TTLL5: variants seen among roughly 807,000 people sequenced by gnomAD.
TTLL5 encodes tubulin tyrosine ligase like 5.
A neutral mutation model predicts 168.4 loss-of-function variants in TTLL5; 132 were observed. The ratio of observed to expected loss-of-function variants is 0.78; its 90% CI spans 0.68 to 0.91. The LOEUF (loss-of-function observed/expected upper bound fraction) is 0.91, where lower values mean the gene tolerates loss of function less well. TTLL5 is among the 40% of genes least tolerant of loss of function. The pLI, the probability that TTLL5 is intolerant of heterozygous loss-of-function variation, is 0.00. For missense variants in TTLL5, 1,545 were observed against 1,581.5 expected (o/e 0.98, Z 0.39); for synonymous variants, 546 against 558.6 (o/e 0.98, Z 0.32).
chr14:75,877,856 T>C (rs1174460246), intron 29 of TTLL5, among the ~76,000 whole-genome samples: 1 of 152,234 alleles, frequency 6.6e-6, no homozygotes, highest in East Asian at 1.9e-4. Flanking sequence ...GGCTGATTTC[T>C]GCTGCTAGTT....
chr14:75,720,098 A>G (rs1309047922), intron 11 of TTLL5, among the ~76,000 whole-genome samples: 1 of 152,200 alleles, frequency 6.6e-6, no homozygotes, highest in Non-Finnish European at 1.5e-5. Flanking sequence ...GCTGACTAAA[A>G]TATGGTCAGC....
chr14:75,691,687 A>G (rs1419751337), intron 6 of TTLL5, among the ~76,000 whole-genome samples: 1 of 152,250 alleles, frequency 6.6e-6, no homozygotes, highest in African/African-American at 2.4e-5. Flanking sequence ...CCCATGAGGA[A>G]CATCAGGTGA....
intron 30 of TTLL5, among the ~76,000 whole-genome samples, chr14:75,889,206 A>G (rs1051429827): frequency 6.6e-6 from 1 of 152,202 alleles, no homozygotes; most frequent in Non-Finnish European, 1.5e-5. Context: ...ACTGCAGAAA[A>G]TTGAATTCGC....
At chr14:75,921,055 C>G (rs1343725476) in intron 31 of TTLL5, among the ~76,000 whole-genome samples, 1 of 152,110 alleles carries the variant, frequency 6.6e-6, no homozygotes, top group Admixed American at 6.5e-5. Flanking sequence ...ATCCTTTGCC[C>G]ACTTTTTGAT....
intron 29 of TTLL5, among the ~76,000 whole-genome samples, chr14:75,880,360 GT>G (rs2031742308): frequency 1.3e-5 from 2 of 152,128 alleles, no homozygotes; most frequent in African/African-American, 4.8e-5. Flanking sequence ...TTGAATAGAT[GT>G]TCTTACCAAT....
rs375393056 is a variant in TTLL5 at position 75,870,958 on chromosome 14, C to G, written c.3522+7096C>G. Among the ~76,000 whole-genome samples, 21 of 152,154 alleles carry G rather than the reference C, an allele frequency of 1.4e-4. 1 individual carries two copies. The South Asian group carries it at 4.4e-3, about 32-fold the overall frequency. ...TACAGGCGCCCGCCACCACGCCCAG[C>G]TAATTTTTTGTATTTTTAGTAGAGA... On this transcript the variant is annotated intron_variant, in intron 29 of 31. Coordinates refer to ENST00000298832, the MANE Select transcript of TTLL5 (RefSeq NM_015072.5).
chr14:75,795,591 C>A (rs775122964), intron 27 of TTLL5, among the ~76,000 whole-genome samples: 1 of 152,094 alleles, frequency 6.6e-6, no homozygotes, highest in Non-Finnish European at 1.5e-5. Context: ...ACCCTTCCCC[C>A]CAAGTCCCCA....
rs972068565 is a variant in TTLL5, at chr14:75,930,519, A to T, written c.3824-23905A>T. 22 of 832,530 alleles carry T rather than the reference A, an allele frequency of 2.6e-5. No homozygotes were observed. In the African/African-American group the frequency reaches 4.1e-4, roughly 15 times the overall value. 51.6% of individuals were successfully genotyped at this position (832,530 alleles called of 1,614,324 possible). A position where few individuals can be genotyped will look rare whatever the true frequency, so the allele number is the denominator to read the frequency against. ...TCTGAAAAAAATCAAAATCTAAAAC[A>T]CTTCTAGTCACAAGCATTTTGAATA... is the stretch of plus-strand genomic sequence containing the variant. On this transcript the variant is annotated intron_variant, in intron 31 of 31. Coordinates refer to ENST00000298832, the MANE Select transcript of TTLL5 (RefSeq NM_015072.5).
intron 28 of TTLL5, among the ~76,000 whole-genome samples, chr14:75,848,452 A>C (rs1269712453): frequency 6.6e-6 from 1 of 152,082 alleles, no homozygotes; most frequent in South Asian, 2.1e-4. Context: ...AATAAGGGCC[A>C]GCTGTGCTTA....
Position 75,775,553 on chromosome 14 carries a change from A to G in TTLL5, c.2206A>G (p.Ser736Gly), listed in dbSNP as rs1179242302. 6.2e-7 allele frequency: 1 copy of G among 1,613,954 alleles called. No homozygotes were observed. Among genetic ancestry groups the G allele is most frequent in the Non-Finnish European group, 8.5e-7 (1 of 1,179,994 alleles). ...LQHSLRMVLP[S>G]RRLALLERRR... ...GCATTCACTGAGGATGGTATTACCC[A>G]GTCGACGATTGGCACTTCTGGAACG... is the stretch of plus-strand genomic sequence containing the variant. Residue 736 changes from serine (S) to glycine (G), a missense_variant, in exon 22 of 32, where the codon AGT (serine) becomes GGT (glycine). Ser to Gly is a moderately conservative substitution (Grantham distance 56). Coordinates refer to ENST00000298832, the MANE Select transcript of TTLL5 (RefSeq NM_015072.5).
intron 27 of TTLL5, among the ~76,000 whole-genome samples, chr14:75,814,145 C>CA (rs1894237319): frequency 6.6e-6 from 1 of 152,190 alleles, no homozygotes; most frequent in South Asian, 2.1e-4. Context: ...TTCCAAAATA[C>CA]AAAAAAATCT....
intron 31 of TTLL5, among the ~76,000 whole-genome samples, chr14:75,922,060 C>G (rs181668670): frequency 6.4e-4 from 97 of 152,224 alleles, no homozygotes; most frequent in African/African-American, 2.2e-3. Flanking sequence ...TATAGGAATG[C>G]TTGTGATTTT....
intron 31 of TTLL5, among the ~76,000 whole-genome samples, chr14:75,934,483 A>G (rs755881171): frequency 1.4e-4 from 22 of 152,244 alleles, no homozygotes; most frequent in Non-Finnish European, 2.9e-4. Flanking sequence ...TCTGTAAGAT[A>G]AAAACTTTTG....
chr14:75,709,073 T>G, intron 9 of TTLL5: 1 of 662,886 alleles, frequency 1.5e-6, no homozygotes, highest in South Asian at 1.6e-5. Context: ...GGGCCTCAGG[T>G]TGGACAAGCT....
chr14:75,725,169 C>T (rs1313644309), intron 12 of TTLL5, among the ~76,000 whole-genome samples: 1 of 152,186 alleles, frequency 6.6e-6, no homozygotes, highest in African/African-American at 2.4e-5. Flanking sequence ...TCTGTTGCTG[C>T]CATTCTTGAC....
intron 28 of TTLL5, among the ~76,000 whole-genome samples, chr14:75,856,379 T>G (rs1330986252): frequency 1.3e-5 from 2 of 152,050 alleles, no homozygotes; most frequent in Non-Finnish European, 2.9e-5. Context: ...AATAATATAA[T>G]AATAAAGACA....
At chr14:75,864,779 T>C (rs2030368694) in intron 29 of TTLL5, among the ~76,000 whole-genome samples, 1 of 152,218 alleles carries the variant, frequency 6.6e-6, no homozygotes, top group Non-Finnish European at 1.5e-5. Context: ...TTTGATCTCC[T>C]GATCATTTTT....
chr14:75,755,976 C>CCCCCCCACCG (rs1708352295), intron 18 of TTLL5, among the ~76,000 whole-genome samples: 1 of 75,746 alleles, frequency 1.3e-5, no homozygotes, highest in Admixed American at 1.5e-4. Context: ...GTCCTGGCCA[C>CCCCCCCACCG]CCCCCCACCG....
At chr14:75,779,796 C>T in intron 24 of TTLL5, 94 bp downstream of exon 24, 1 of 1,288,076 alleles carries the variant, frequency 7.8e-7, no homozygotes, top group East Asian at 2.6e-5. Context: ...TGGCTAAGCA[C>T]TAATAGTCCC....
Sources: allele counts gnomAD v4.1 joint callset (sites outside exome capture counted in the v4.1 genomes callset), GRCh38; gene constraint gnomAD v4.1.1; transcripts MANE v1.5; gene names NCBI Gene and HGNC (gene_info 2026-07-23, HGNC 2026-07-21).